The following TSHZ2 variants were observed in gnomAD, a reference collection of about 807,000 sequenced individuals.
TSHZ2 encodes teashirt homolog 2.
In TSHZ2, 21 loss-of-function variants were observed where a neutral mutation model predicts 74.4. The observed-to-expected ratio is 0.28, with a 90% CI of 0.20 to 0.41. TSHZ2 has a LOEUF of 0.41. Among genes scored for constraint, TSHZ2 ranks in the 10% least tolerant of loss-of-function variants. The pLI, the probability that TSHZ2 is intolerant of heterozygous loss-of-function variation, is 1.00. For synonymous variants in TSHZ2, 540 were observed against 515.3 expected, an observed-to-expected ratio of 1.05 and a Z score of -0.65; for missense variants, 1,244 against 1,293.5, an observed-to-expected ratio of 0.96 and a Z score of 0.59.
At chr20:53,372,046 C>T (rs1265917659) in intron 2 of TSHZ2, among the ~76,000 whole-genome samples, 1 of 152,076 alleles carries the variant, frequency 6.6e-6, no homozygotes, top group Non-Finnish European at 1.5e-5. Flanking sequence ...TTTCTGTGTC[C>T]TCAGTCATTG....
intron 1 of TSHZ2, among the ~76,000 whole-genome samples, chr20:53,126,489 G>A (rs1410826056): frequency 6.6e-6 from 1 of 152,188 alleles, no homozygotes; most frequent in Non-Finnish European, 1.5e-5. Flanking sequence ...ATTTGTTAGT[G>A]AAATGGAGCT....
In TSHZ2 at chr20:53,074,998, T is replaced by C. The variant is rs1312292029; in HGVS notation, c.40+101665T>C. 6.6e-6 allele frequency among the ~76,000 whole-genome samples: 1 copy of C among 152,212 alleles called. No individual in the cohort carries two copies. Among genetic ancestry groups the C allele is most frequent in the Non-Finnish European group, 1.5e-5 (1 of 68,038 alleles). ...TTTTGTCGCTGACGTTTCCTCCATGTGGAAAGCTTTGAAAGTGCTCCAGTC... is the reference window on the plus strand; with the variant it reads ...TTTTGTCGCTGACGTTTCCTCCATGCGGAAAGCTTTGAAAGTGCTCCAGTC... On this transcript the variant is annotated intron_variant, in intron 1 of 2. Coordinates refer to ENST00000371497, the MANE Select transcript of TSHZ2 (RefSeq NM_173485.6). This position sits in a 1 kb window ranked among gnomAD's most constrained non-coding sequence, Gnocchi z 5.9.
chr20:53,340,392 G>C (rs1035309444), intron 2 of TSHZ2, among the ~76,000 whole-genome samples: 1 of 151,946 alleles, frequency 6.6e-6, no homozygotes, highest in African/African-American at 2.4e-5. Flanking sequence ...CACCGTGTTA[G>C]TCAGGATGGT....
At chr20:53,389,946 TG>T (rs1290176448) in intron 2 of TSHZ2, among the ~76,000 whole-genome samples, 1 of 152,220 alleles carries the variant, frequency 6.6e-6, no homozygotes, top group African/African-American at 2.4e-5. Context: ...CATGCTGTTC[TG>T]GTGTCATGGA....
intron 1 of TSHZ2, among the ~76,000 whole-genome samples, chr20:53,229,916 A>G (rs1047588975): frequency 6.6e-6 from 1 of 151,138 alleles, no homozygotes; most frequent in Non-Finnish European, 1.5e-5. Flanking sequence ...AAAAAAAGAG[A>G]AAGAAGAAGG....
At chr20:53,297,861 C>G (rs1250771686) in intron 2 of TSHZ2, among the ~76,000 whole-genome samples, 2 of 152,312 alleles carry the variant, frequency 1.3e-5, no homozygotes, top group East Asian at 3.9e-4. Context: ...TATCATGTGA[C>G]CTATTTGAAT....
At chr20:53,163,937 C>T (rs1988006878) in intron 1 of TSHZ2, among the ~76,000 whole-genome samples, 4 of 152,104 alleles carry the variant, frequency 2.6e-5, no homozygotes, top group Non-Finnish European at 1.5e-5. Context: ...TGGTTTTCTC[C>T]ATTAATTATG....
intron 1 of TSHZ2, among the ~76,000 whole-genome samples, chr20:53,135,127 G>A (rs1478337212): frequency 1.3e-5 from 2 of 151,904 alleles, no homozygotes; most frequent in African/African-American, 4.8e-5. Context: ...TTTGTGTCTG[G>A]TTGCTTTTTG....
intron 1 of TSHZ2, among the ~76,000 whole-genome samples, chr20:53,108,539 A>G (rs1221477001): frequency 2.0e-5 from 3 of 152,342 alleles, no homozygotes; most frequent in South Asian, 2.1e-4. Flanking sequence ...TCTGAATATC[A>G]TGAGTGCAGA....
intron 1 of TSHZ2, among the ~76,000 whole-genome samples, chr20:53,036,722 A>G (rs1436054324): frequency 1.4e-5 from 2 of 147,738 alleles, no homozygotes; most frequent in East Asian, 3.9e-4. Flanking sequence ...TATATTATAT[A>G]TGTATTTATA....
intron 1 of TSHZ2, among the ~76,000 whole-genome samples, chr20:53,028,686 G>A (rs1373419315): frequency 2.0e-5 from 3 of 152,184 alleles, no homozygotes; most frequent in Non-Finnish European, 4.4e-5. Context: ...GTGCCTGCCG[G>A]ATTGTGAGAT....
At chr20:53,054,292 T>A (rs550961150) in intron 1 of TSHZ2, among the ~76,000 whole-genome samples, 1 of 152,342 alleles carries the variant, frequency 6.6e-6, no homozygotes, top group East Asian at 1.9e-4. Flanking sequence ...GTCACTTGTT[T>A]AGGATAATGG....
At chr20:53,072,970 C>A (rs1985225381) in intron 1 of TSHZ2, among the ~76,000 whole-genome samples, 1 of 151,632 alleles carries the variant, frequency 6.6e-6, no homozygotes, top group South Asian at 2.1e-4. Context: ...TCCATCTATC[C>A]CTCCATCCAT....
At chr20:53,240,558 C>T (rs569733035) in intron 1 of TSHZ2, among the ~76,000 whole-genome samples, 2 of 152,134 alleles carry the variant, frequency 1.3e-5, no homozygotes, top group Non-Finnish European at 2.9e-5. Flanking sequence ...TAAGGAGATG[C>T]TTTTCCAGGA....
At chr20:53,356,451 A>G (rs1244507976) in intron 2 of TSHZ2, among the ~76,000 whole-genome samples, 1 of 152,214 alleles carries the variant, frequency 6.6e-6, no homozygotes. Context: ...ACTTGCTTTA[A>G]CAGCCTGCTG....
At chr20:53,073,352 T>C (rs1985255548) in intron 1 of TSHZ2, among the ~76,000 whole-genome samples, 1 of 140,496 alleles carries the variant, frequency 7.1e-6, no homozygotes, top group Non-Finnish European at 1.6e-5. Flanking sequence ...CTCCATTCCT[T>C]CATCTGTCCC....
chr20:52,992,135 T>TCCTGG (rs1427686840), intron 1 of TSHZ2, among the ~76,000 whole-genome samples: 3 of 152,218 alleles, frequency 2.0e-5, no homozygotes, highest in African/African-American at 7.2e-5. Context: ...AATGTCTATT[T>TCCTGG]CCTGGCCTCT....
rs1981072322 is a variant in TSHZ2 at position 53,361,942 on chromosome 20, CAG to C, written c.*8+105374_*8+105375del. 2.0e-5 allele frequency among the ~76,000 whole-genome samples: 3 copies of C among 150,692 alleles called. No individual in the cohort carries two copies. In the Middle Eastern group the frequency reaches 0.01, roughly 513 times the overall value. On this transcript the variant is annotated intron_variant, in intron 2 of 2. Coordinates refer to ENST00000371497, the MANE Select transcript of TSHZ2 (RefSeq NM_173485.6). ...TTTGTGTTTTTTTTTTTTCTGGAGA[CAG>C]AGTCTCACTCTGTCACCCAGGCTGT...
chr20:53,337,665 C>T (rs763022409), intron 2 of TSHZ2, among the ~76,000 whole-genome samples: 3 of 152,100 alleles, frequency 2.0e-5, no homozygotes, highest in Non-Finnish European at 4.4e-5. Flanking sequence ...GGCTCAGATT[C>T]GATTCTTGTT....
Sources: gnomAD v4.1 joint callset for allele counts (sites outside exome capture counted in the v4.1 genomes callset) on GRCh38, gnomAD v4.1.1 for gene constraint, Gnocchi (gnomAD v3.1) non-coding constraint, MANE v1.5 for transcripts, NCBI Gene and HGNC (gene_info 2026-07-23, HGNC 2026-07-21) for gene names.